PCDHA8: variants seen among roughly 807,000 people sequenced by gnomAD.
PCDHA8 encodes protocadherin alpha 8.
PCDHA8 carries 53 observed loss-of-function variants against 61.8 expected under a neutral mutation model. The observed-to-expected ratio is 0.86, with a 90% CI of 0.69 to 1.08. The LOEUF is 1.08. PCDHA8 is among the 50% of genes least tolerant of loss of function. The pLI is 0.00. For synonymous variants in PCDHA8, 618 were observed against 556.6 expected (o/e 1.11, Z -1.55); for missense variants, 1,293 against 1,245.0 (o/e 1.04, Z -0.58).
intron 1 of PCDHA8, chr5:140,926,562 C>CT (rs1271947865): frequency 1.6e-5 from 4 of 250,352 alleles, no homozygotes; most frequent in African/African-American, 8.9e-5. Context: ...CAGCCCGCTG[C>CT]TACTGGAGAC....
At chr5:140,986,668 A>C (rs927109652) in intron 3 of PCDHA8, among the ~76,000 whole-genome samples, 15 of 152,192 alleles carry the variant, frequency 9.9e-5, no homozygotes, top group African/African-American at 3.6e-4. Context: ...CACAGTTTTC[A>C]GAAGAGTTCA....
chr5:141,010,293 G>A lies in PCDHA8; in HGVS notation c.*356G>A. ...ATCCTGTCTTGATGACACTTGCAGG[G>A]CAGGCTGAAAAGTTTTGAGATTGAG... On this transcript the variant is annotated 3_prime_UTR_variant, in exon 4 of 4. Transcript: ENST00000531613. The A allele has an allele frequency of 6.5e-7, 1 of 1,549,794 alleles. No individual in the cohort carries two copies. The highest frequency in any genetic ancestry group is 2.4e-5 in the East Asian group (1 of 40,902).
intron 3 of PCDHA8, among the ~76,000 whole-genome samples, chr5:141,009,094 C>A (rs1350235475): frequency 6.6e-6 from 1 of 152,176 alleles, no homozygotes; most frequent in Non-Finnish European, 1.5e-5. Context: ...AAGAACCAAA[C>A]ATATGTTACT....
At chr5:140,893,616 G>C (rs1431019657) in intron 1 of PCDHA8, among the ~76,000 whole-genome samples, 3 of 152,188 alleles carry the variant, frequency 2.0e-5, no homozygotes, top group African/African-American at 7.2e-5. Context: ...CATTTCTGAA[G>C]TATAGCTCTG....
intron 1 of PCDHA8, chr5:140,883,794 C>A (rs781822448): frequency 6.2e-7 from 1 of 1,612,476 alleles, no homozygotes; most frequent in Non-Finnish European, 8.5e-7. Flanking sequence ...AGCTACGTGT[C>A]GGTGCACGCG....
intron 1 of PCDHA8, chr5:140,877,122 G>C: frequency 2.5e-6 from 4 of 1,613,718 alleles, no homozygotes; most frequent in Non-Finnish European, 3.4e-6. Context: ...GCAACGTGAC[G>C]CTGCAGGTGT....
intron 1 of PCDHA8, among the ~76,000 whole-genome samples, chr5:140,847,134 A>G (rs1210661520): frequency 6.7e-6 from 1 of 149,754 alleles, no homozygotes; most frequent in African/African-American, 2.4e-5. Flanking sequence ...AGGAAAACCA[A>G]TGTAAGAAGA....
intron 1 of PCDHA8, among the ~76,000 whole-genome samples, chr5:140,945,500 T>A (rs2093799104): frequency 6.6e-6 from 1 of 152,046 alleles, no homozygotes; most frequent in South Asian, 2.1e-4. Flanking sequence ...CAAAGCAATA[T>A]TGAGCAAAGT....
At chr5:140,987,960 C>G (rs2097275437) in intron 3 of PCDHA8, among the ~76,000 whole-genome samples, 1 of 152,120 alleles carries the variant, frequency 6.6e-6, no homozygotes, top group African/African-American at 2.4e-5. Flanking sequence ...AACCAACTCC[C>G]CATGGAAAGA....
chr5:140,903,448 G>T (rs188990837), intron 1 of PCDHA8, among the ~76,000 whole-genome samples: 2 of 152,278 alleles, frequency 1.3e-5, no homozygotes, highest in African/African-American at 2.4e-5. Context: ...GAATTCATCT[G>T]ATCAAACTTA....
chr5:140,870,949 G>A (rs1554164920), intron 1 of PCDHA8: 2 of 1,613,686 alleles, frequency 1.2e-6, no homozygotes, highest in East Asian at 2.2e-5. Context: ...GGCGGCGGGC[G>A]GCTCGCGCAT....
chr5:140,941,748 T>G (rs2093156951), intron 1 of PCDHA8, among the ~76,000 whole-genome samples: 1 of 152,210 alleles, frequency 6.6e-6, no homozygotes, highest in South Asian at 2.1e-4. Flanking sequence ...CTTATCAGAT[T>G]TTCAGTGCTT....
rs945250298 is a variant in PCDHA8 at position 140,897,146 on chromosome 5, A to G, written c.2394+53431A>G. Among the ~76,000 whole-genome samples the G allele has an allele frequency of 5.3e-5, 8 of 152,258 alleles. No individual in the cohort carries two copies. In the East Asian group the frequency reaches 1.5e-3, roughly 29 times the overall value. On this transcript the variant is annotated intron_variant, in intron 1 of 3. Coordinates refer to ENST00000531613, the MANE Select transcript of PCDHA8 (RefSeq NM_018911.3). Reference sequence around the variant, plus strand: ...CCCACTAAACTTTCTAGCCTTTGTTAACCATTCTTCTACTGTCTATCTCCA... The same window carrying G: ...CCCACTAAACTTTCTAGCCTTTGTTGACCATTCTTCTACTGTCTATCTCCA...
At chr5:140,961,271 AC>A (rs1460316643) in intron 1 of PCDHA8, among the ~76,000 whole-genome samples, 1 of 152,208 alleles carries the variant, frequency 6.6e-6, no homozygotes, top group Non-Finnish European at 1.5e-5. Context: ...GCTTCTTTTT[AC>A]CATGGCTCTG....
intron 1 of PCDHA8, among the ~76,000 whole-genome samples, chr5:140,936,969 A>G (rs1391736933): frequency 2.0e-5 from 3 of 152,202 alleles, no homozygotes; most frequent in African/African-American, 7.2e-5. Context: ...ATCTATAAAA[A>G]TATGAAGCTT....
intron 1 of PCDHA8, chr5:140,862,866 GC>G (rs11321479): frequency 0.66 from 374,898 of 571,004 alleles, 123,608 homozygotes; most frequent in Middle Eastern, 0.71. Context: ...ATGTGACGCT[GC>G]CAGGTATTAG....
In PCDHA8 at chr5:140,928,627, T is replaced by G. The variant is rs782634688; in HGVS notation, c.2395-50322T>G. The G allele has an allele frequency of 1.5e-5, 24 of 1,614,220 alleles. No homozygotes were observed. The highest frequency in any genetic ancestry group is 1.9e-5 in the Non-Finnish European group (23 of 1,180,026). On this transcript the variant is annotated intron_variant, in intron 1 of 3. Transcript: ENST00000531613. ...GCCCCGCTCTGCCAGGACTGGACAC[T>G]TGGTCACAAAAGTGGTAGCAGAGGA...
rs563178599 is a variant in PCDHA8, at chr5:140,863,384, C to G, written c.2394+19669C>G. The G allele has an allele frequency of 5.4e-5, 56 of 1,044,914 alleles. No homozygotes were observed. In the South Asian group the frequency reaches 6.5e-4, roughly 12 times the overall value. The allele number at this position is 1,044,914 out of a possible 1,614,324, so 64.7% of individuals were successfully genotyped here. On this transcript the variant is annotated intron_variant, in intron 1 of 3. Coordinates refer to ENST00000531613, the MANE Select transcript of PCDHA8 (RefSeq NM_018911.3). ...TGCTTGGCGCAGCTCACCGAGAGCT[C>G]GTGCATGCCGGGCAAGCCCACGCTG... is the stretch of plus-strand genomic sequence containing the variant.
intron 1 of PCDHA8, among the ~76,000 whole-genome samples, chr5:140,959,354 A>C (rs1021119947): frequency 2.0e-5 from 3 of 152,244 alleles, no homozygotes; most frequent in African/African-American, 7.2e-5. Context: ...CAGCGGGACA[A>C]CTGAGTGAGA....
Sources: gnomAD v4.1 joint callset for allele counts (sites outside exome capture counted in the v4.1 genomes callset) on GRCh38, gnomAD v4.1.1 for gene constraint, MANE v1.5 for transcripts, NCBI Gene and HGNC (gene_info 2026-07-23, HGNC 2026-07-21) for gene names.